The following PGBD5 variants were observed in gnomAD, a reference collection of about 807,000 sequenced individuals.
PGBD5 encodes the protein piggyBac transposable element-derived protein 5.
In PGBD5, 14 loss-of-function variants were observed where a neutral mutation model predicts 47.9. The observed-to-expected ratio is 0.29, with a 90% CI of 0.19 to 0.46. The LOEUF is 0.46. Ranked by LOEUF, PGBD5 falls within the 20% of genes least tolerant of loss-of-function variation. PGBD5 has a pLI of 1.00. For missense variants in PGBD5, 635 were observed against 716.0 expected (o/e 0.89, Z 1.29); for synonymous variants, 316 against 306.3 (o/e 1.03, Z -0.33).
At chr1:230,330,919 C>T (rs1453641392) in intron 5 of PGBD5, among the ~76,000 whole-genome samples, 1 of 152,202 alleles carries the variant, frequency 6.6e-6, no homozygotes, top group African/African-American at 2.4e-5. Flanking sequence ...CCATCAATAT[C>T]CTCCTTACAT....
intron 1 of PGBD5, among the ~76,000 whole-genome samples, chr1:230,403,468 C>T: frequency 6.6e-6 from 1 of 152,126 alleles, no homozygotes; most frequent in East Asian, 1.9e-4. Flanking sequence ...GTGGAGAGGT[C>T]CAGTGTAGGG....
intron 5 of PGBD5, among the ~76,000 whole-genome samples, chr1:230,329,102 A>G (rs1667168893): frequency 7.6e-6 from 1 of 131,732 alleles, no homozygotes; most frequent in Non-Finnish European, 1.7e-5. Flanking sequence ...CAGCTACGCC[A>G]TGCCCAGCTA....
At chr1:230,351,486 A>G (rs2102701880) in intron 2 of PGBD5, among the ~76,000 whole-genome samples, 1 of 152,272 alleles carries the variant, frequency 6.6e-6, no homozygotes, top group Non-Finnish European at 1.5e-5. Flanking sequence ...ACTTCTTTTC[A>G]TGGAAGCCCC....
At chr1:230,407,296 G>T (rs1023626627) in intron 1 of PGBD5, among the ~76,000 whole-genome samples, 2 of 152,136 alleles carry the variant, frequency 1.3e-5, no homozygotes, top group African/African-American at 4.8e-5. Context: ...CACTCAAAAT[G>T]GCTGTTAAAA....
At chr1:230,335,074 CACAG>C (rs1342918388) in intron 4 of PGBD5, among the ~76,000 whole-genome samples, 6 of 150,076 alleles carry the variant, frequency 4.0e-5, no homozygotes, top group Non-Finnish European at 7.5e-5. Context: ...CAGATGCACA[CACAG>C]ACACACACAG....
At chr1:230,368,584 G>A (rs1373198691) in intron 1 of PGBD5, among the ~76,000 whole-genome samples, 1 of 152,248 alleles carries the variant, frequency 6.6e-6, no homozygotes, top group African/African-American at 2.4e-5. Context: ...GGGGGATGAT[G>A]ACTCTTCAGG....
chr1:230,362,590 C>A (rs1267942013), intron 1 of PGBD5, among the ~76,000 whole-genome samples: 6 of 152,148 alleles, frequency 3.9e-5, no homozygotes, highest in Non-Finnish European at 7.3e-5. Context: ...TTGGGTTTAG[C>A]ACAGTTCACA....
At chr1:230,383,361 C>T (rs536921817) in intron 1 of PGBD5, among the ~76,000 whole-genome samples, 108 of 151,148 alleles carry the variant, frequency 7.1e-4, no homozygotes, top group African/African-American at 2.6e-3. Context: ...GGCCACCATG[C>T]CCAGCATTTT....
intron 1 of PGBD5, chr1:230,362,319 G>A (rs1244579119): frequency 2.9e-6 from 4 of 1,367,692 alleles, no homozygotes; most frequent in African/African-American, 1.5e-5. Flanking sequence ...AGGGCACGAG[G>A]AATGGATTAT....
chr1:230,332,808 C>T (rs373146363), intron 5 of PGBD5, 36 bp downstream of exon 5: 135 of 1,612,214 alleles, frequency 8.4e-5, no homozygotes, highest in Non-Finnish European at 1.1e-4. Flanking sequence ...CCAATCCCCG[C>T]GCGCCCCACT....
chr1:230,396,243 T>TTTTTA (rs1656962946), intron 1 of PGBD5, among the ~76,000 whole-genome samples: 1 of 15,264 alleles, frequency 6.6e-5, no homozygotes, highest in Non-Finnish European at 1.1e-4. Context: ...CCCACACTCC[T>TTTTTA]CCCTTTTACC....
At chr1:230,412,009 A>G (rs1657419769) in intron 1 of PGBD5, among the ~76,000 whole-genome samples, 1 of 152,222 alleles carries the variant, frequency 6.6e-6, no homozygotes, top group Non-Finnish European at 1.5e-5. Context: ...CCCCAAAAAG[A>G]AAAACCCTAC....
intron 1 of PGBD5, among the ~76,000 whole-genome samples, chr1:230,374,716 C>T (rs1455256552): frequency 6.6e-6 from 1 of 152,208 alleles, no homozygotes; most frequent in African/African-American, 2.4e-5. Context: ...GAGGTCCCAA[C>T]AGTCTTCTAA....
intron 1 of PGBD5, among the ~76,000 whole-genome samples, chr1:230,373,187 G>C (rs1008765276): frequency 2.6e-5 from 4 of 152,096 alleles, no homozygotes; most frequent in African/African-American, 7.2e-5. Context: ...TATCACTCAG[G>C]GTGTTTCCAA....
At chr1:230,417,546 T>C (rs1657545871) in intron 1 of PGBD5, among the ~76,000 whole-genome samples, 1 of 152,246 alleles carries the variant, frequency 6.6e-6, no homozygotes, top group Non-Finnish European at 1.5e-5. Flanking sequence ...ACGGGCAAAA[T>C]GGCACGCCTT....
intron 1 of PGBD5, among the ~76,000 whole-genome samples, chr1:230,397,071 C>T (rs769152250): frequency 6.6e-6 from 1 of 152,192 alleles, no homozygotes; most frequent in African/African-American, 2.4e-5. Context: ...GCCGAATCCT[C>T]GGCTCTCTGT....
intron 1 of PGBD5, among the ~76,000 whole-genome samples, chr1:230,389,174 CTTTT>C (rs5781582): frequency 1.4e-5 from 2 of 142,660 alleles, no homozygotes; most frequent in Non-Finnish European, 1.5e-5. Context: ...CATTTTCTTT[CTTTT>C]TTTTTTTTTT....
intron 1 of PGBD5, among the ~76,000 whole-genome samples, chr1:230,386,247 A>T (rs772950808): frequency 4.4e-4 from 66 of 151,348 alleles, no homozygotes; most frequent in Non-Finnish European, 9.0e-4. Flanking sequence ...TGAACCTAGG[A>T]GGTTGAGGCA....
chr1:230,393,392 C>T (rs897584405), intron 1 of PGBD5, among the ~76,000 whole-genome samples: 5 of 151,908 alleles, frequency 3.3e-5, no homozygotes, highest in Admixed American at 3.3e-4. Context: ...GGAGAGCAGG[C>T]GGACTCTAGG....
Sources: allele counts gnomAD v4.1 joint callset (sites outside exome capture counted in the v4.1 genomes callset), GRCh38; gene constraint gnomAD v4.1.1; transcripts MANE v1.5; gene names NCBI Gene and HGNC (gene_info 2026-07-23, HGNC 2026-07-21).